Variants in TNRC6A observed in about 807,000 individuals in gnomAD.
TNRC6A encodes the protein trinucleotide repeat containing adaptor 6A.
In TNRC6A, 44 loss-of-function variants were observed where a neutral mutation model predicts 221.2. The ratio of observed to expected loss-of-function variants is 0.20; its 90% CI spans 0.16 to 0.26. The LOEUF (loss-of-function observed/expected upper bound fraction) is 0.26. Among genes scored for constraint, TNRC6A ranks in the 10% least tolerant of loss-of-function variants. TNRC6A has a pLI of 1.00. For missense variants in TNRC6A, 2,199 were observed against 2,404.4 expected (o/e 0.91, Z 1.79); for synonymous variants, 847 against 838.5 (o/e 1.01, Z -0.18).
chr16:24,715,614 T>C (rs1156643610), intron 2 of TNRC6A, among the ~76,000 whole-genome samples: 1 of 149,952 alleles, frequency 6.7e-6, no homozygotes, highest in African/African-American at 2.5e-5. Context: ...TCTTTTTTTT[T>C]TTTTTTTCTT....
chr16:24,759,685 T>C (rs2057323259), intron 4 of TNRC6A, among the ~76,000 whole-genome samples: 1 of 152,128 alleles, frequency 6.6e-6, no homozygotes, highest in African/African-American at 2.4e-5. Flanking sequence ...ACTTTGCCAG[T>C]AGTGCCTAAA....
At chr16:24,747,373 G>A (rs1302054728) in intron 2 of TNRC6A, among the ~76,000 whole-genome samples, 3 of 152,142 alleles carry the variant, frequency 2.0e-5, no homozygotes, top group African/African-American at 7.2e-5. Flanking sequence ...GGGGAGTCTG[G>A]TTTTTACAGA....
chr16:24,809,485 CAAAAG>C lies in TNRC6A; in HGVS notation c.4672+6_4672+10del. 8.0e-7 allele frequency: 1 copy of C among 1,246,480 alleles called. No individual in the cohort carries two copies. The highest frequency in any genetic ancestry group is 3.1e-5 in the East Asian group (1 of 32,498). The allele number at this position is 1,246,480 out of a possible 1,614,324, so 77.2% of individuals were successfully genotyped here. On this transcript the variant is annotated splice_donor_5th_base_variant and intron_variant, in intron 18 of 24. Transcript: ENST00000395799. Reference sequence around the variant, plus strand: ...GATCAAAACTCCAGCAAACATGGTACAAAAGATACATCTTACCAAAAAAAAAAAAA... The same window carrying C: ...GATCAAAACTCCAGCAAACATGGTACATACATCTTACCAAAAAAAAAAAAA...
intron 4 of TNRC6A, among the ~76,000 whole-genome samples, chr16:24,775,766 T>C (rs575808496): frequency 8.4e-4 from 128 of 152,258 alleles, no homozygotes; most frequent in African/African-American, 2.9e-3. Flanking sequence ...AATTCCAGGG[T>C]GGGAGCTCTT....
chr16:24,793,217 A>G (rs1484438020), intron 6 of TNRC6A: 5 of 273,244 alleles, frequency 1.8e-5, no homozygotes, highest in South Asian at 1.7e-4. Flanking sequence ...TTCCATAACT[A>G]TGCAAAAATC....
At chr16:24,672,691 A>G (rs183949864) in intron 2 of TNRC6A, among the ~76,000 whole-genome samples, 77 of 151,672 alleles carry the variant, frequency 5.1e-4, no homozygotes, top group Non-Finnish European at 6.8e-4. Context: ...TGATCCTTCC[A>G]CTTCAACCTC....
chr16:24,706,985 TTATG>T lies in TNRC6A; in HGVS notation n.403-43737_403-43734del, dbSNP rs1312877765. Among the ~76,000 whole-genome samples, 335 of 101,932 alleles carry T rather than the reference TTATG, an allele frequency of 3.3e-3. 3 individuals carry two copies. Among genetic ancestry groups the T allele is most frequent in the African/African-American group, 8.6e-3 (301 of 34,958 alleles). The allele number at this position is 101,932 out of a possible 152,430, so 66.9% of individuals were successfully genotyped here. A position where few individuals can be genotyped will look rare whatever the true frequency, so the allele number is the denominator to read the frequency against. On this transcript the variant is annotated intron_variant and non_coding_transcript_variant, in intron 2 of 2. Coordinates refer to the TNRC6A transcript ENST00000566108. ...TATTTATTTATTTATCTATTTTTAT[TTATG>T]TATTTATTTATTTATTTATTTATTT... is the stretch of plus-strand genomic sequence containing the variant.
Position 24,789,434 on chromosome 16 carries a change from A to G in TNRC6A, c.792A>G (p.Ser264=). The change falls in exon 6 of 25, where the codon TCA becomes TCG. Residue 264 remains serine (S), a synonymous_variant. Coordinates refer to ENST00000395799, the MANE Select transcript of TNRC6A (RefSeq NM_014494.4). ...CTGATTCTGCCTCCAGTTCTGAATCAGAGAGAAACATCACTATCATGGCTT... is the reference window on the plus strand; with the variant it reads ...CTGATTCTGCCTCCAGTTCTGAATCGGAGAGAAACATCACTATCATGGCTT... ...MDADSASSSE[S]ERNITIMASG... is the part of the protein sequence containing the mutation. 1 of 1,614,222 alleles carries G rather than the reference A, an allele frequency of 6.2e-7. No homozygotes were observed. Among genetic ancestry groups the G allele is most frequent in the Non-Finnish European group, 8.5e-7 (1 of 1,180,036 alleles).
rs762822295 is a variant in TNRC6A, at chr16:24,777,135, A to G, written c.366A>G (p.Pro122=). Residue 122 remains proline, a synonymous_variant, in exon 5 of 25, where the codon CCA becomes CCG. Transcript: ENST00000395799. The part of the protein sequence containing the change: ...QPQPQPQQQQ[P]QQQPQALPRY... ...AGCCGCAGCCGCAGCAGCAGCAGCC[A>G]CAGCAGCAGCCACAGGCCTTGCCTC... 20 of 1,612,562 alleles carry G rather than the reference A, an allele frequency of 1.2e-5. No individual in the cohort carries two copies. The highest frequency in any genetic ancestry group is 1.7e-5 in the Admixed American group (1 of 59,948).
chr16:24,704,513 A>C (rs1382372972), intron 2 of TNRC6A, among the ~76,000 whole-genome samples: 1 of 151,682 alleles, frequency 6.6e-6, no homozygotes, highest in African/African-American at 2.4e-5. Flanking sequence ...AAAAATACAA[A>C]AAGTAGCTGG....
rs1567506380 is a variant in TNRC6A at position 24,806,272 on chromosome 16, C to G, written c.4318C>G (p.Gln1440Glu). Residue 1440 changes from glutamine to glutamate, a missense_variant, in exon 16 of 25, where the codon CAA becomes GAA. Physicochemically the swap from Gln to Glu is conservative, Grantham distance 29 (BLOSUM62 2). Coordinates refer to ENST00000395799, the MANE Select transcript of TNRC6A (RefSeq NM_014494.4). Reference protein sequence around the residue: ...RSVPSGNRPQQDQQGRPLSVQ... With the variant: ...RSVPSGNRPQEDQQGRPLSVQ... ...CGTGCCTTCTGGGAACCGGCCGCAG[C>G]AAGACCAGCAGGTAGAGCCCGCCCT... 6.2e-7 allele frequency: 1 copy of G among 1,614,164 alleles called. No individual in the cohort carries two copies. The highest frequency in any genetic ancestry group is 1.7e-5 in the Admixed American group (1 of 60,024).
intron 2 of TNRC6A, among the ~76,000 whole-genome samples, chr16:24,687,911 C>CTTTTCTT (rs777639202): frequency 1.7e-5 from 2 of 120,230 alleles, no homozygotes; most frequent in African/African-American, 6.4e-5. Context: ...CTTGGACATG[C>CTTTTCTT]TTCTTTTCTT....
chr16:24,695,120 C>T (rs1567363379), intron 2 of TNRC6A, among the ~76,000 whole-genome samples: 1 of 152,116 alleles, frequency 6.6e-6, no homozygotes, highest in Non-Finnish European at 1.5e-5. Context: ...AAGTTCTTCA[C>T]GAGCACCATC....
chr16:24,774,730 A>G (rs978467472), intron 4 of TNRC6A, among the ~76,000 whole-genome samples: 2 of 152,230 alleles, frequency 1.3e-5, no homozygotes, highest in African/African-American at 4.8e-5. Flanking sequence ...TATGTTCCTC[A>G]TAATGTTACA....
chr16:24,787,650 T>C (rs1295596805), intron 5 of TNRC6A, among the ~76,000 whole-genome samples: 1 of 152,208 alleles, frequency 6.6e-6, no homozygotes, highest in African/African-American at 2.4e-5. Context: ...AAAGAAATGA[T>C]TCTTAAACAG....
intron 2 of TNRC6A, among the ~76,000 whole-genome samples, chr16:24,731,329 C>T (rs568186673): frequency 1.6e-4 from 24 of 152,244 alleles, no homozygotes; most frequent in African/African-American, 5.5e-4. Context: ...TTCAAATCGT[C>T]TGAATATTTT....
In TNRC6A at chr16:24,815,126, CTAT is replaced by C. The variant is rs1451846678; in HGVS notation, c.4673-16_4673-14del. ...CTGTGTGTATTTTGCTCACATTTCT[CTAT>C]TATTCTTCCCTTGTTAGGTGCTATT... On this transcript the variant is annotated intron_variant, in intron 18 of 24. Transcript: ENST00000395799. 1 of 1,604,894 alleles carries C rather than the reference CTAT, an allele frequency of 6.2e-7. No individual in the cohort carries two copies. The highest frequency in any genetic ancestry group is 8.5e-7 in the Non-Finnish European group (1 of 1,173,790).
At chr16:24,778,602 T>A in intron 5 of TNRC6A, 1 of 527,572 alleles carries the variant, frequency 1.9e-6, no homozygotes, top group Non-Finnish European at 2.4e-6. Flanking sequence ...CATCTGACCT[T>A]CTTTGCTAAT....
chr16:24,629,938 A>C (rs1191010582), intron 1 of TNRC6A, among the ~76,000 whole-genome samples: 1 of 151,648 alleles, frequency 6.6e-6, no homozygotes, highest in Non-Finnish European at 1.5e-5. Context: ...ACACCACTGC[A>C]CTCCAGCCTG....
Sources: allele counts gnomAD v4.1 joint callset (sites outside exome capture counted in the v4.1 genomes callset), GRCh38; gene constraint gnomAD v4.1.1; transcripts MANE v1.5; gene names NCBI Gene and HGNC (gene_info 2026-07-23, HGNC 2026-07-21).